GPR107: variants seen among roughly 807,000 people sequenced by gnomAD.
The protein encoded by GPR107 is protein GPR107.
A neutral mutation model predicts 75.5 loss-of-function variants in GPR107; 31 were observed. The observed-to-expected ratio is 0.41, with a 90% CI of 0.31 to 0.55. The LOEUF (loss-of-function observed/expected upper bound fraction) is 0.55, where lower values mean the gene tolerates loss of function less well. Among genes scored for constraint, GPR107 ranks in the 20% least tolerant of loss-of-function variants. The pLI, the probability that GPR107 is intolerant of heterozygous loss-of-function variation, is 0.26. For synonymous variants in GPR107, 267 were observed against 251.3 expected, an observed-to-expected ratio of 1.06 and a Z score of -0.59; for missense variants, 572 against 665.7, an observed-to-expected ratio of 0.86 and a Z score of 1.55.
intron 9 of GPR107, among the ~76,000 whole-genome samples, chr9:130,096,502 T>C (rs1278239459): frequency 7.7e-6 from 1 of 130,062 alleles, no homozygotes; most frequent in Non-Finnish European, 1.6e-5. Context: ...CTCGTCTCAC[T>C]CTGTGCCCCA....
intron 2 of GPR107, 93 bp downstream of exon 2, chr9:130,075,842 G>T: frequency 1.6e-6 from 1 of 640,362 alleles, no homozygotes; most frequent in Non-Finnish European, 2.7e-6. Flanking sequence ...GAGTGCGGTG[G>T]CGCAATCTCA....
intron 7 of GPR107, among the ~76,000 whole-genome samples, chr9:130,087,702 C>G (rs1830646180): frequency 6.7e-6 from 1 of 148,962 alleles, no homozygotes; most frequent in African/African-American, 2.5e-5. Flanking sequence ...ACTAGGGAGG[C>G]TGAGGCAGGA....
chr9:130,106,617 A>AAATAATAATAAT (rs138309360), intron 13 of GPR107, among the ~76,000 whole-genome samples: 1 of 145,162 alleles, frequency 6.9e-6, no homozygotes, highest in African/African-American at 2.5e-5. Context: ...ATAAATAAAT[A>AAATAATAATAAT]AATAATAATA....
intron 9 of GPR107, 59 bp from the exon 10 acceptor site, chr9:130,099,398 T>TTTGGGTCCAGCTAA (rs1830959024): frequency 1.1e-6 from 1 of 932,754 alleles, no homozygotes; most frequent in African/African-American, 1.6e-5. Context: ...GTCTGGAGCT[T>TTTGGGTCCAGCTAA]TGGCTGTCCT....
At chr9:130,116,863 C>T (rs1342026151) in intron 14 of GPR107, among the ~76,000 whole-genome samples, 1 of 151,944 alleles carries the variant, frequency 6.6e-6, no homozygotes, top group Admixed American at 6.6e-5. Context: ...ATTTCGTTTA[C>T]AATAATATGC....
In GPR107 at chr9:130,106,575, G is replaced by A. The variant is rs1227022355; in HGVS notation, c.1263-921G>A. Among the ~76,000 whole-genome samples the A allele has an allele frequency of 2.7e-5, 4 of 148,940 alleles. No individual in the cohort carries two copies. In the Admixed American group the frequency reaches 2.7e-4, roughly 10 times the overall value. On this transcript the variant is annotated intron_variant, in intron 13 of 17. Transcript: ENST00000347136. ...TCATGCCACTGCACTCCAGCCTGGC[G>A]ACAGAACAAGACTCTGTCTCAAAAT...
At chr9:130,075,346 G>A (rs1830317428) in intron 1 of GPR107, among the ~76,000 whole-genome samples, 1 of 142,430 alleles carries the variant, frequency 7.0e-6, no homozygotes, top group Non-Finnish European at 1.5e-5. Context: ...CCAGGTTCAA[G>A]CAATTCTGCT....
At chr9:130,076,552 ATTT>A in intron 3 of GPR107, 90 bp downstream of exon 3, 1 of 740,686 alleles carries the variant, frequency 1.4e-6, no homozygotes, top group Non-Finnish European at 2.3e-6. Flanking sequence ...TTCCATTTTC[ATTT>A]TTTTTTTGGA....
rs1832040338 is a variant in GPR107, at chr9:130,139,413, C to T, written c.*4292C>T. The T allele has an allele frequency of 6.6e-6, 1 of 152,222 alleles. No homozygotes were observed. The highest frequency in any genetic ancestry group is 2.4e-5 in the African/African-American group (1 of 41,452). 9.4% of individuals were successfully genotyped at this position (152,222 alleles called of 1,614,324 possible). On this transcript the variant is annotated 3_prime_UTR_variant, in exon 18 of 18. Transcript: ENST00000347136. ...ATCGGTCGGCAGGCTGAACATACTC[C>T]AGATTCCCCAGAGGCCACTTCTGTA...
intron 14 of GPR107, among the ~76,000 whole-genome samples, chr9:130,124,114 C>T (rs1831617622): frequency 6.6e-6 from 1 of 152,202 alleles, no homozygotes; most frequent in Non-Finnish European, 1.5e-5. Flanking sequence ...TAATCATGAG[C>T]CCAAAGGAGG....
intron 1 of GPR107, among the ~76,000 whole-genome samples, chr9:130,062,557 G>A (rs1452428501): frequency 6.6e-6 from 1 of 151,796 alleles, no homozygotes; most frequent in Non-Finnish European, 1.5e-5. Flanking sequence ...AAATGAGACA[G>A]GCCCATAGAC....
Position 130,139,529 on chromosome 9 carries a change from A to C in GPR107, c.*4408A>C, listed in dbSNP as rs1443726257. On this transcript the variant is annotated 3_prime_UTR_variant, in exon 18 of 18. Transcript: ENST00000347136. ...GGTTCACTGCCAGGCCATGGGCCCC[A>C]CACATCTCAGGCCCTGTGTGAGGGA... 1 of 152,206 alleles carries C rather than the reference A, an allele frequency of 6.6e-6. No homozygotes were observed. Among genetic ancestry groups the C allele is most frequent in the Non-Finnish European group, 1.5e-5 (1 of 68,060 alleles). 9.4% of individuals were successfully genotyped at this position (152,206 alleles called of 1,614,324 possible). A position where few individuals can be genotyped will look rare whatever the true frequency, so the allele number is the denominator to read the frequency against.
At chr9:130,130,131 A>G (rs1353106088) in intron 17 of GPR107, 1 of 152,260 alleles carries the variant, frequency 6.6e-6, no homozygotes, top group East Asian at 1.9e-4. Context: ...GTATGAGGGC[A>G]CAGTCCAAAG....
intron 1 of GPR107, among the ~76,000 whole-genome samples, chr9:130,071,220 G>C (rs1364090215): frequency 1.3e-5 from 2 of 149,940 alleles, no homozygotes; most frequent in African/African-American, 4.9e-5. Flanking sequence ...CTAGAGATGG[G>C]GTTTCTCTGT....
At chr9:130,123,357 C>T (rs1831596658) in intron 14 of GPR107, among the ~76,000 whole-genome samples, 1 of 152,082 alleles carries the variant, frequency 6.6e-6, no homozygotes, top group South Asian at 2.1e-4. Context: ...GCGCCCACCA[C>T]CATGTCTGGG....
chr9:130,057,868 G>C (rs1267986545), intron 1 of GPR107, among the ~76,000 whole-genome samples: 4 of 149,132 alleles, frequency 2.7e-5, no homozygotes, highest in Non-Finnish European at 5.9e-5. Flanking sequence ...TTTTGCTCTG[G>C]CACCCAGGCT....
chr9:130,126,432 G>A (rs142693720), intron 15 of GPR107, among the ~76,000 whole-genome samples: 1,955 of 140,986 alleles, frequency 0.014, 55 homozygotes, highest in African/African-American at 0.048. Flanking sequence ...TGCAACCTCC[G>A]CCTCTTGGGT....
chr9:130,083,643 A>T (rs778865085), intron 6 of GPR107, 41 bp downstream of exon 6: 1 of 1,312,300 alleles, frequency 7.6e-7, no homozygotes, highest in Non-Finnish European at 1.0e-6. Flanking sequence ...TTTTCTGGAT[A>T]TGTGTGTACG....
At chr9:130,067,963 C>T (rs545631654) in intron 1 of GPR107, among the ~76,000 whole-genome samples, 18 of 151,998 alleles carry the variant, frequency 1.2e-4, no homozygotes, top group Admixed American at 5.9e-4. Flanking sequence ...CAGGCTCAAA[C>T]TTCTGACTTC....
Sources: allele counts gnomAD v4.1 joint callset (sites outside exome capture counted in the v4.1 genomes callset), GRCh38; gene constraint gnomAD v4.1.1; transcripts MANE v1.5; gene names NCBI Gene and HGNC (gene_info 2026-07-23, HGNC 2026-07-21).